The following FAM174A variants were observed in gnomAD, a reference collection of about 807,000 sequenced individuals.
FAM174A encodes family with sequence similarity 174 member A, also known as membrane protein FAM174A.
FAM174A carries 14 observed loss-of-function variants against 14.3 expected under a neutral mutation model. The ratio of observed to expected loss-of-function variants is 0.98; its 90% confidence interval spans 0.65 to 1.53. FAM174A has a LOEUF of 1.53. Ranked by LOEUF, FAM174A falls within the 40% of genes most tolerant of loss-of-function variation. The pLI, the probability that FAM174A is intolerant of heterozygous loss-of-function variation, is 0.00. For missense variants in FAM174A, 241 were observed against 249.6 expected, an observed-to-expected ratio of 0.97 and a Z score of 0.23; for synonymous variants, 108 against 111.4, an observed-to-expected ratio of 0.97 and a Z score of 0.19.
chr5:100,535,899 G>A lies in FAM174A; in HGVS notation c.369G>A (p.Arg123=). 1 of 1,612,306 alleles carries A rather than the reference G, an allele frequency of 6.2e-7. No homozygotes were observed. The highest frequency in any genetic ancestry group is 8.5e-7 in the Non-Finnish European group (1 of 1,179,226). Residue 123 remains arginine (R), a synonymous_variant, in exon 1 of 3, where the codon CGG becomes CGA. Coordinates refer to ENST00000312637, the MANE Select transcript of FAM174A (RefSeq NM_198507.3). ...PNPGDKPMTQ[R]ALTVLMVVSG... is the part of the protein sequence containing the mutation. ...CTGGCGACAAGCCCATGACCCAGCG[G>A]GCCCTGACCGTGTTGATGGTGGTGA...
intron 1 of FAM174A, among the ~76,000 whole-genome samples, chr5:100,541,060 T>C (rs1746040514): frequency 6.6e-6 from 1 of 152,214 alleles, no homozygotes; most frequent in African/African-American, 2.4e-5. Context: ...ATGTGGACTA[T>C]GTAAAGTAGT....
chr5:100,552,679 A>G (rs933771859), intron 1 of FAM174A, among the ~76,000 whole-genome samples: 1 of 152,090 alleles, frequency 6.6e-6, no homozygotes, highest in Non-Finnish European at 1.5e-5. Flanking sequence ...TATCAAGCTT[A>G]CTTTAGTGGT....
intron 2 of FAM174A, among the ~76,000 whole-genome samples, chr5:100,567,389 A>G (rs1746679723): frequency 6.6e-6 from 1 of 151,814 alleles, no homozygotes; most frequent in Admixed American, 6.6e-5. Flanking sequence ...AAAAAATCTG[A>G]CTTTGTGAAG....
At chr5:100,558,583 G>C (rs1271919348) in intron 1 of FAM174A, among the ~76,000 whole-genome samples, 1 of 151,962 alleles carries the variant, frequency 6.6e-6, no homozygotes. Context: ...AGGTCTCTTT[G>C]TAGTTCTCTA....
chr5:100,542,880 CAT>C (rs550530365), intron 1 of FAM174A, among the ~76,000 whole-genome samples: 4 of 151,304 alleles, frequency 2.6e-5, no homozygotes, highest in South Asian at 2.1e-4. Context: ...TATTCACACA[CAT>C]GTGTAGGGGG....
chr5:100,558,490 C>T (rs992110835), intron 1 of FAM174A, among the ~76,000 whole-genome samples: 18 of 152,064 alleles, frequency 1.2e-4, no homozygotes, highest in African/African-American at 4.1e-4. Context: ...TCCTGGATAT[C>T]CTTTTTAACT....
intron 2 of FAM174A, among the ~76,000 whole-genome samples, chr5:100,562,693 G>A (rs1746553895): frequency 6.6e-6 from 1 of 151,594 alleles, no homozygotes; most frequent in South Asian, 2.1e-4. Flanking sequence ...TTTCTTTTTA[G>A]TTTGGGTTCT....
chr5:100,547,762 C>A (rs1746191845), intron 1 of FAM174A, among the ~76,000 whole-genome samples: 2 of 151,952 alleles, frequency 1.3e-5, no homozygotes, highest in African/African-American at 4.8e-5. Context: ...GTTAAGTGTC[C>A]TTATCATTTA....
At chr5:100,550,481 A>T (rs1029210617) in intron 1 of FAM174A, among the ~76,000 whole-genome samples, 1 of 152,134 alleles carries the variant, frequency 6.6e-6, no homozygotes, top group Non-Finnish European at 1.5e-5. Context: ...GCCAATCTAT[A>T]TATTTTACTC....
intron 2 of FAM174A, among the ~76,000 whole-genome samples, chr5:100,583,693 A>G (rs542834307): frequency 1.1e-4 from 17 of 151,060 alleles, no homozygotes; most frequent in African/African-American, 4.1e-4. Flanking sequence ...GATTGGCTCT[A>G]TTGTAAATCC....
intron 2 of FAM174A, among the ~76,000 whole-genome samples, chr5:100,574,411 C>T (rs1418200020): frequency 1.3e-5 from 2 of 152,048 alleles, no homozygotes; most frequent in African/African-American, 2.4e-5. Flanking sequence ...TGGTCTCAAA[C>T]TCCTGGGCTC....
At chr5:100,546,752 T>C (rs529632701) in intron 1 of FAM174A, among the ~76,000 whole-genome samples, 35 of 152,276 alleles carry the variant, frequency 2.3e-4, no homozygotes, top group South Asian at 4.1e-4. Flanking sequence ...TGCAAAACTA[T>C]CCCAATTCTT....
At chr5:100,546,063 G>T (rs1374121208) in intron 1 of FAM174A, among the ~76,000 whole-genome samples, 1 of 152,198 alleles carries the variant, frequency 6.6e-6, no homozygotes, top group Non-Finnish European at 1.5e-5. Flanking sequence ...ACAAGCTACA[G>T]TTGAACAAAC....
chr5:100,569,597 A>T (rs532456504), intron 2 of FAM174A, among the ~76,000 whole-genome samples: 4 of 151,884 alleles, frequency 2.6e-5, no homozygotes, highest in Non-Finnish European at 5.9e-5. Flanking sequence ...GAGCAGAATT[A>T]TGGGTCAGAT....
At chr5:100,569,446 C>T (rs1473551152) in intron 2 of FAM174A, among the ~76,000 whole-genome samples, 1 of 151,338 alleles carries the variant, frequency 6.6e-6, no homozygotes, top group Non-Finnish European at 1.5e-5. Flanking sequence ...AGCATAATAA[C>T]CATGGTTTAT....
At chr5:100,584,971 T>C (rs549099923) in intron 2 of FAM174A, among the ~76,000 whole-genome samples, 2 of 152,224 alleles carry the variant, frequency 1.3e-5, no homozygotes, top group Non-Finnish European at 2.9e-5. Flanking sequence ...CATCATGTTA[T>C]TCAAGGTTTA....
intron 2 of FAM174A, among the ~76,000 whole-genome samples, chr5:100,576,723 T>A (rs1028430098): frequency 1.3e-5 from 2 of 152,172 alleles, no homozygotes; most frequent in African/African-American, 2.4e-5. Flanking sequence ...TGGGGAAAAA[T>A]TGTAGGTTTC....
intron 2 of FAM174A, among the ~76,000 whole-genome samples, chr5:100,566,141 G>GATATATATATATATATATAT (rs60895683): frequency 2.2e-4 from 18 of 81,798 alleles, no homozygotes; most frequent in East Asian, 4.1e-4. Flanking sequence ...TGAAAAGTAT[G>GATATATATATATATATATAT]ATATATATAT....
chr5:100,558,312 A>T (rs1301336557), intron 1 of FAM174A, among the ~76,000 whole-genome samples: 1 of 152,126 alleles, frequency 6.6e-6, no homozygotes, highest in Non-Finnish European at 1.5e-5. Context: ...ACAGTTTGTT[A>T]TAATTTCTGT....
Sources: gnomAD v4.1 joint callset for allele counts (sites outside exome capture counted in the v4.1 genomes callset) on GRCh38, gnomAD v4.1.1 for gene constraint, MANE v1.5 for transcripts, NCBI Gene and HGNC (gene_info 2026-07-23, HGNC 2026-07-21) for gene names.